Variants in ANKRD26 observed in about 807,000 individuals in gnomAD.
ANKRD26 encodes the protein ankyrin repeat domain 26, also known as ankyrin repeat domain-containing protein 26.
Under a neutral mutation model 208.7 loss-of-function variants are expected in ANKRD26, and 141 were observed. The ratio of observed to expected loss-of-function variants is 0.68; its 90% CI spans 0.59 to 0.78. ANKRD26 has a LOEUF of 0.78. Ranked by LOEUF, ANKRD26 falls within the 30% of genes least tolerant of loss-of-function variation. ANKRD26 has a pLI of 0.00. For missense variants in ANKRD26, 1,889 were observed against 1,938.7 expected (o/e 0.97, Z 0.48); for synonymous variants, 636 against 660.4 (o/e 0.96, Z 0.57).
intron 4 of ANKRD26, among the ~76,000 whole-genome samples, chr10:27,088,905 T>C (rs73596350): frequency 1.3e-5 from 2 of 152,158 alleles, no homozygotes; most frequent in Non-Finnish European, 2.9e-5. Flanking sequence ...ATGGTCTCCA[T>C]ATAAGGTTTT....
At chr10:26,971,695 AAAACAT>A (rs2052145374), downstream of ANKRD26, among the ~76,000 whole-genome samples, 1 of 147,704 alleles carries the variant, frequency 6.8e-6, no homozygotes, top group African/African-American at 2.5e-5. Flanking sequence ...AAAAAAAAAG[AAAACAT>A]AAAGAATTTC....
At chr10:27,052,487 T>C (rs542464427) in intron 16 of ANKRD26, among the ~76,000 whole-genome samples, 1 of 152,232 alleles carries the variant, frequency 6.6e-6, no homozygotes, top group Middle Eastern at 3.4e-3. Context: ...TAAAGATTTC[T>C]AACTGGAGAG....
chr10:27,087,684 C>G (rs80254925), intron 4 of ANKRD26, among the ~76,000 whole-genome samples: 2 of 152,148 alleles, frequency 1.3e-5, no homozygotes, highest in South Asian at 4.1e-4. Flanking sequence ...GTTTAGACAA[C>G]GACTTTTGCT....
the ANKRD26 span, among the ~76,000 whole-genome samples, chr10:26,957,030 C>A: frequency 1.3e-5 from 2 of 152,194 alleles, no homozygotes; most frequent in Non-Finnish European, 2.9e-5. Context: ...CAGAAAATTT[C>A]TGTGGGTTAT....
intron 4 of ANKRD26, among the ~76,000 whole-genome samples, chr10:27,089,217 C>T (rs935595602): frequency 6.6e-6 from 1 of 152,112 alleles, no homozygotes; most frequent in Admixed American, 6.5e-5. Context: ...ATTAGAATGT[C>T]CTTTGTCCCC....
intron 9 of ANKRD26, chr10:27,077,122 C>A: frequency 1.8e-6 from 1 of 571,016 alleles, no homozygotes; most frequent in Non-Finnish European, 3.1e-6. Flanking sequence ...AAACCGAATC[C>A]AACAGCACAT....
At chr10:27,010,264 A>G (rs1355966161) in intron 32 of ANKRD26, among the ~76,000 whole-genome samples, 19 of 152,208 alleles carry the variant, frequency 1.2e-4, no homozygotes, top group Non-Finnish European at 2.2e-4. Context: ...GAAACCATGT[A>G]TACCAATGGA....
intron 16 of ANKRD26, among the ~76,000 whole-genome samples, chr10:27,052,714 G>C (rs1348279779): frequency 6.6e-6 from 1 of 152,050 alleles, no homozygotes; most frequent in African/African-American, 2.4e-5. Flanking sequence ...GAAATAATCA[G>C]AAAGTTATTG....
the ANKRD26 span, among the ~76,000 whole-genome samples, chr10:26,952,383 A>G: frequency 1.3e-5 from 2 of 152,250 alleles, no homozygotes; most frequent in East Asian, 3.9e-4. Flanking sequence ...GGGTTTTATG[A>G]ATGCAAATGA....
chr10:26,949,471 CATCATT>C, the ANKRD26 span, among the ~76,000 whole-genome samples: 4 of 149,562 alleles, frequency 2.7e-5, no homozygotes, highest in East Asian at 6.1e-4. Flanking sequence ...TTATAATTAT[CATCATT>C]ATCTTATAGT....
chr10:27,082,072 AAAGG>A (rs1173028997), intron 6 of ANKRD26, among the ~76,000 whole-genome samples: 2,376 of 32,710 alleles, frequency 0.073, 96 homozygotes, highest in African/African-American at 0.13. Flanking sequence ...AAAAAAAAAA[AAAGG>A]GAGAGAGAGA....
intron 6 of ANKRD26, among the ~76,000 whole-genome samples, chr10:27,081,850 T>G (rs757695079): frequency 5.0e-4 from 76 of 151,916 alleles, no homozygotes; most frequent in Non-Finnish European, 1.0e-3. Flanking sequence ...CCATTCTCCT[T>G]TCTCAGCCTC....
At chr10:26,980,364 T>A (rs564965172) in intron 5 of ANKRD26, among the ~76,000 whole-genome samples, 1 of 152,210 alleles carries the variant, frequency 6.6e-6, no homozygotes, top group African/African-American at 2.4e-5. Flanking sequence ...CTGACCACTG[T>A]GCTTTTTCCA....
intron 23 of ANKRD26, 89 bp from the exon 24 acceptor site, chr10:27,035,841 T>C: frequency 9.9e-7 from 1 of 1,008,894 alleles, no homozygotes; most frequent in Admixed American, 2.2e-5. Context: ...ACTGTACATT[T>C]TACAATAAAG....
intron 3 of ANKRD26, among the ~76,000 whole-genome samples, chr10:26,983,380 G>A (rs1284562986): frequency 6.6e-6 from 1 of 152,050 alleles, no homozygotes; most frequent in Non-Finnish European, 1.5e-5. Flanking sequence ...ACCATCCTGG[G>A]GTTAACTGAG....
chr10:27,095,546 T>C (rs1481998368), intron 1 of ANKRD26, among the ~76,000 whole-genome samples: 1 of 152,196 alleles, frequency 6.6e-6, no homozygotes, highest in Non-Finnish European at 1.5e-5. Flanking sequence ...TACATGCCTG[T>C]AATCCCAGCT....
In ANKRD26 at chr10:27,038,009, C is replaced by A; in HGVS notation, c.2421G>T (p.Thr807=). 6.2e-7 allele frequency: 1 copy of A among 1,612,136 alleles called. No homozygotes were observed. The highest frequency in any genetic ancestry group is 1.1e-5 in the South Asian group (1 of 90,942). The part of the protein sequence containing the change: ...QEEEKRRNAD[T]LYEKIREQLR... ...ACTGTTCCCTAATTTTTTCATACAACGTATCAGCATTTCTTCTCTTCTCTT... is the reference window on the plus strand; with the variant it reads ...ACTGTTCCCTAATTTTTTCATACAAAGTATCAGCATTTCTTCTCTTCTCTT... The change falls in exon 22 of 34, where the codon ACG becomes ACT. Residue 807 remains threonine (T), a synonymous_variant. Coordinates refer to ENST00000376087, the MANE Select transcript of ANKRD26 (RefSeq NM_014915.3).
At chr10:27,093,000 T>C (rs1369769593) in intron 3 of ANKRD26, among the ~76,000 whole-genome samples, 2 of 152,102 alleles carry the variant, frequency 1.3e-5, no homozygotes, top group African/African-American at 4.8e-5. Context: ...GGAGAATTGC[T>C]TGAACCCGGG....
Position 27,004,737 on chromosome 10 carries a change from G to C in ANKRD26, c.*853C>G, listed in dbSNP as rs1310488265. On this transcript the variant is annotated 3_prime_UTR_variant, in exon 34 of 34. Coordinates refer to ENST00000376087, the MANE Select transcript of ANKRD26 (RefSeq NM_014915.3). Reference sequence around the variant, plus strand: ...TCTTCAAAATATTCAAGGTCATGAAGGTCAAGGAAAGACTGAGGAACTGTT... The same window carrying C: ...TCTTCAAAATATTCAAGGTCATGAACGTCAAGGAAAGACTGAGGAACTGTT... The C allele has an allele frequency of 6.6e-6, 1 of 151,902 alleles. No homozygotes were observed. Among genetic ancestry groups the C allele is most frequent in the Non-Finnish European group, 1.5e-5 (1 of 68,008 alleles). The allele number at this position is 151,902 out of a possible 1,614,324, so 9.4% of individuals were successfully genotyped here.
Sources: allele counts gnomAD v4.1 joint callset (sites outside exome capture counted in the v4.1 genomes callset), GRCh38; gene constraint gnomAD v4.1.1; transcripts MANE v1.5; gene names NCBI Gene and HGNC (gene_info 2026-07-23, HGNC 2026-07-21).